The following TMEM87B variants were observed in gnomAD, a reference collection of about 807,000 sequenced individuals.
The protein encoded by TMEM87B is transmembrane protein 87B.
TMEM87B carries 83 observed loss-of-function variants against 80.3 expected under a neutral mutation model. That is an observed-to-expected ratio of 1.03 (90% CI 0.87 to 1.24). The LOEUF (loss-of-function observed/expected upper bound fraction) is 1.24. Among genes scored for constraint, TMEM87B ranks in the 50% most tolerant of loss-of-function variants. The pLI is 0.00. For missense variants in TMEM87B, 625 were observed against 674.4 expected (o/e 0.93, Z 0.81); for synonymous variants, 219 against 230.5 (o/e 0.95, Z 0.45).
chr2:112,112,968 T>A lies in TMEM87B; in HGVS notation c.1608+39T>A, dbSNP rs1261551743. The A allele has an allele frequency of 1.9e-6, 3 of 1,576,154 alleles. No homozygotes were observed. In the East Asian group the frequency reaches 6.7e-5, roughly 35 times the overall value. Reference sequence around the variant, plus strand: ...TTGCATATTTCCTTGGAGCTGATATTTTCACAAAGTAGAGATGTATTTCAG... The same window carrying A: ...TTGCATATTTCCTTGGAGCTGATATATTCACAAAGTAGAGATGTATTTCAG... On this transcript the variant is annotated intron_variant, in intron 18 of 18. Coordinates refer to ENST00000283206, the MANE Select transcript of TMEM87B (RefSeq NM_032824.3).
At chr2:112,090,903 G>A (rs72942011) in intron 10 of TMEM87B, among the ~76,000 whole-genome samples, 8,053 of 152,090 alleles carry the variant, frequency 0.053, 390 homozygotes, top group African/African-American at 0.13. Flanking sequence ...TCTCCCTGTT[G>A]TCTTTGATAC....
intron 8 of TMEM87B, among the ~76,000 whole-genome samples, chr2:112,084,700 A>T (rs1410240907): frequency 6.6e-6 from 1 of 152,204 alleles, no homozygotes. Flanking sequence ...TGGTTTTGCC[A>T]CCATATTTTC....
intron 9 of TMEM87B, among the ~76,000 whole-genome samples, chr2:112,088,590 TA>T (rs1679212751): frequency 6.6e-6 from 1 of 152,224 alleles, no homozygotes; most frequent in African/African-American, 2.4e-5. Context: ...TTTTTTCTTC[TA>T]ATTACTCTGA....
At position 112,075,016 on chromosome 2, in the gene TMEM87B, GAA is replaced by G. The variant is rs1248255288; in HGVS notation, c.501+59_501+60del. 7 of 1,549,426 alleles carry G rather than the reference GAA, an allele frequency of 4.5e-6. No individual in the cohort carries two copies. In the East Asian group the frequency reaches 1.4e-4, roughly 31 times the overall value. On this transcript the variant is annotated intron_variant, in intron 5 of 18. Coordinates refer to ENST00000283206, the MANE Select transcript of TMEM87B (RefSeq NM_032824.3). ...AATATACACAAGTTAACGTAAGACTGAAAAAAGTCGCTGATGGATAGATACTT... is the reference window on the plus strand; with the variant it reads ...AATATACACAAGTTAACGTAAGACTGAAAAGTCGCTGATGGATAGATACTT...
chr2:112,096,956 A>G, intron 11 of TMEM87B, 88 bp from the exon 12 acceptor site: 8 of 888,152 alleles, frequency 9.0e-6, no homozygotes, highest in Non-Finnish European at 5.4e-6. Context: ...ATTTAGCAGT[A>G]CTGACTTTGG....
Position 112,086,028 on chromosome 2 carries a change from G to T in TMEM87B, c.862G>T (p.Glu288Ter), listed in dbSNP as rs751739291. The change falls in exon 9 of 19, where the codon GAG becomes TAG. Residue 288 changes from glutamate to a stop codon, truncating the protein, a stop_gained. Coordinates refer to ENST00000283206, the MANE Select transcript of TMEM87B (RefSeq NM_032824.3). LOFTEE classifies it high-confidence loss of function. ...LSTQGLLIFA[E>*]LISAIKRTLA... ...AGCCCAAGGCTTATTGATATTTGCG[G>T]AGTTGATTTCTGCGATTAAGAGGAC... The T allele has an allele frequency of 1.2e-6, 2 of 1,614,044 alleles. No individual in the cohort carries two copies. The highest frequency in any genetic ancestry group is 1.7e-5 in the Admixed American group (1 of 60,002).
Position 112,055,395 on chromosome 2 carries a change from A to G in TMEM87B, c.-197A>G. On this transcript the variant is annotated 5_prime_UTR_variant, in exon 1 of 19. Transcript: ENST00000283206. ...CGCTCGGGCCCGGCTCAGAGCCCTA[A>G]GCCCTGCCTCCCGGTCCTGGCCGGG... The G allele has an allele frequency of 3.4e-6, 2 of 587,076 alleles. No homozygotes were observed. Among genetic ancestry groups the G allele is most frequent in the Non-Finnish European group, 5.6e-6 (2 of 356,642 alleles). The allele number at this position is 587,076 out of a possible 1,614,324, so 36.4% of individuals were successfully genotyped here. A position where few individuals can be genotyped will look rare whatever the true frequency, so the allele number is the denominator to read the frequency against.
intron 10 of TMEM87B, 55 bp from the exon 11 acceptor site, chr2:112,091,657 T>C: frequency 8.7e-7 from 1 of 1,150,998 alleles, no homozygotes. Context: ...TGATAATTGC[T>C]ATAGTGCAAT....
At position 112,086,096 on chromosome 2, in the gene TMEM87B, C is replaced by T. The variant is rs751686394; in HGVS notation, c.930C>T (p.Gly310=). Residue 310 remains glycine (G), a synonymous_variant, in exon 9 of 19, where the codon GGC becomes GGT. Coordinates refer to ENST00000283206, the MANE Select transcript of TMEM87B (RefSeq NM_032824.3). ...LLVIIVSLGY[G]IVKPRLGTVM... ...TGATCATTGTGAGCCTGGGCTATGG[C>T]ATTGTGAAGTAAGTACTGGCGTGTG... 6.2e-7 allele frequency: 1 copy of T among 1,614,026 alleles called. No individual in the cohort carries two copies. The highest frequency in any genetic ancestry group is 8.5e-7 in the Non-Finnish European group (1 of 1,179,902).
intron 4 of TMEM87B, among the ~76,000 whole-genome samples, chr2:112,068,135 AC>A (rs1266103286): frequency 9.2e-5 from 14 of 152,090 alleles, no homozygotes; most frequent in Non-Finnish European, 1.9e-4. Context: ...AATCACTTGA[AC>A]CCGGGAGGCA....
Position 112,108,534 on chromosome 2 carries a change from G to C in TMEM87B, c.1577+694G>C, listed in dbSNP as rs781022677. 2.6e-5 allele frequency among the ~76,000 whole-genome samples: 4 copies of C among 152,216 alleles called. No homozygotes were observed. The East Asian group carries it at 7.7e-4, about 29-fold the overall frequency. Reference sequence around the variant, plus strand: ...TTTCACCTTTATTGAAGAAATTTTTGTGGGAATAGAATTCTTTGTTGACCT... The same window carrying C: ...TTTCACCTTTATTGAAGAAATTTTTCTGGGAATAGAATTCTTTGTTGACCT... On this transcript the variant is annotated intron_variant, in intron 17 of 18. Transcript: ENST00000283206.
At chr2:112,094,136 ATATT>A (rs1355519769) in intron 11 of TMEM87B, among the ~76,000 whole-genome samples, 1 of 150,600 alleles carries the variant, frequency 6.6e-6, no homozygotes, top group African/African-American at 2.4e-5. Context: ...TAATTTATAG[ATATT>A]TATTTCAAAG....
intron 13 of TMEM87B, among the ~76,000 whole-genome samples, chr2:112,097,996 A>T (rs1362545814): frequency 6.7e-6 from 1 of 148,504 alleles, no homozygotes; most frequent in Non-Finnish European, 1.5e-5. Flanking sequence ...TTTTTTTTTG[A>T]GATGAGTCTC....
In TMEM87B at chr2:112,074,972, T is replaced by G; in HGVS notation, c.501+10T>G. ...CCAGGAAAGATCAATGGTAAGCAGTTTGATTTGTCTTTAAATCAAATATAC... is the reference window on the plus strand; with the variant it reads ...CCAGGAAAGATCAATGGTAAGCAGTGTGATTTGTCTTTAAATCAAATATAC... On this transcript the variant is annotated intron_variant, in intron 5 of 18. Transcript: ENST00000283206. 3.8e-6 allele frequency: 6 copies of G among 1,579,776 alleles called. No homozygotes were observed. The highest frequency in any genetic ancestry group is 5.2e-6 in the Non-Finnish European group (6 of 1,159,454).
intron 9 of TMEM87B, among the ~76,000 whole-genome samples, chr2:112,086,469 A>G (rs992771298): frequency 6.6e-6 from 1 of 152,202 alleles, no homozygotes; most frequent in African/African-American, 2.4e-5. Context: ...ATTAAACACC[A>G]AGTCAGCAAA....
Position 112,086,099 on chromosome 2 carries a change from T to G in TMEM87B, c.933T>G (p.Ile311Met). 2 of 1,614,030 alleles carry G rather than the reference T, an allele frequency of 1.2e-6. No individual in the cohort carries two copies. Among genetic ancestry groups the G allele is most frequent in the Non-Finnish European group, 1.7e-6 (2 of 1,179,884 alleles). The change falls in exon 9 of 19, where the codon ATT (isoleucine) becomes ATG (methionine). Residue 311 changes from isoleucine (I) to methionine (M), a missense_variant. Transcript: ENST00000283206. ...TCATTGTGAGCCTGGGCTATGGCAT[T>G]GTGAAGTAAGTACTGGCGTGTGGGA... is the stretch of plus-strand genomic sequence containing the variant. ...LVIIVSLGYG[I>M]VKPRLGTVMH...
At chr2:112,088,294 GTGT>G (rs1679205976) in intron 9 of TMEM87B, among the ~76,000 whole-genome samples, 1 of 152,216 alleles carries the variant, frequency 6.6e-6, no homozygotes, top group African/African-American at 2.4e-5. Context: ...AACAGGTGCA[GTGT>G]TGTTACTGTG....
intron 6 of TMEM87B, among the ~76,000 whole-genome samples, chr2:112,079,813 T>C (rs1282977541): frequency 1.3e-5 from 2 of 152,194 alleles, no homozygotes; most frequent in African/African-American, 2.4e-5. Flanking sequence ...TGAAATGATA[T>C]TGGGGTTTTA....
intron 6 of TMEM87B, among the ~76,000 whole-genome samples, chr2:112,078,110 G>A (rs766061239): frequency 4.6e-5 from 7 of 152,188 alleles, no homozygotes; most frequent in Non-Finnish European, 8.8e-5. Flanking sequence ...GTGAGGTAAG[G>A]CTTCCTTCTG....
Sources: allele counts gnomAD v4.1 joint callset (sites outside exome capture counted in the v4.1 genomes callset), GRCh38; gene constraint gnomAD v4.1.1; transcripts MANE v1.5; gene names NCBI Gene and HGNC (gene_info 2026-07-23, HGNC 2026-07-21).